BUD13: variants seen among roughly 807,000 people sequenced by gnomAD.
BUD13 encodes the protein BUD13 homolog.
BUD13 carries 47 observed loss-of-function variants against 62.5 expected under a neutral mutation model. That is an observed-to-expected ratio of 0.75 (90% CI 0.60 to 0.96). BUD13 has a LOEUF of 0.96. Among genes scored for constraint, BUD13 ranks in the 40% least tolerant of loss-of-function variants. The pLI is 0.00. For synonymous variants in BUD13, 293 were observed against 280.1 expected (o/e 1.05, Z -0.46); for missense variants, 821 against 790.9 (o/e 1.04, Z -0.46).
At chr11:116,751,910 C>A (rs1940241895) in intron 9 of BUD13, among the ~76,000 whole-genome samples, 1 of 152,148 alleles carries the variant, frequency 6.6e-6, no homozygotes, top group African/African-American at 2.4e-5. Flanking sequence ...AGGGAAATTG[C>A]ATGACTCTAG....
chr11:116,772,274 A>G (rs914433146), intron 1 of BUD13, among the ~76,000 whole-genome samples: 9 of 152,218 alleles, frequency 5.9e-5, no homozygotes, highest in Non-Finnish European at 1.2e-4. Flanking sequence ...TACCCACTTC[A>G]TGGTAGTGTG....
rs1054580991 is a variant in BUD13 at position 116,760,889 on chromosome 11, T to C, written c.1100A>G (p.His367Arg). 6.2e-7 allele frequency: 1 copy of C among 1,614,006 alleles called. No individual in the cohort carries two copies. The highest frequency in any genetic ancestry group is 1.3e-5 in the African/African-American group (1 of 74,904). ...SSPRHKQSPG[H>R]QDSDSDLSPP... is the part of the protein sequence containing the mutation. ...TGACAGATCTGAATCAGAATCCTGGTGCCCTGGACTTTGTTTATGCCGTGG... is the reference window on the plus strand; with the variant it reads ...TGACAGATCTGAATCAGAATCCTGGCGCCCTGGACTTTGTTTATGCCGTGG... Residue 367 changes from histidine (H) to arginine (R), a missense_variant, in exon 5 of 10, where the codon CAC becomes CGC. Around this residue, in one of 2 missense-constraint regions of BUD13, gnomAD observed 800 missense variants for 739.2 expected, o/e 1.08. Transcript: ENST00000260210.
chr11:116,757,526 G>A (rs917503451), intron 8 of BUD13, among the ~76,000 whole-genome samples: 19 of 150,506 alleles, frequency 1.3e-4, no homozygotes, highest in South Asian at 4.2e-4. Flanking sequence ...GGCTGGTCTC[G>A]AACTCTAAGG....
chr11:116,764,878 G>C (rs913343120), intron 3 of BUD13, among the ~76,000 whole-genome samples: 1 of 152,068 alleles, frequency 6.6e-6, no homozygotes, highest in Admixed American at 6.5e-5. Context: ...GCAAGTGGAG[G>C]GTAATGCACT....
chr11:116,749,919 C>T (rs1347381984), intron 9 of BUD13, among the ~76,000 whole-genome samples: 1 of 152,086 alleles, frequency 6.6e-6, no homozygotes, highest in Non-Finnish European at 1.5e-5. Context: ...TACACAAGGA[C>T]AAAGAAGGAG....
At chr11:116,752,241 C>T (rs1432466460) in intron 9 of BUD13, among the ~76,000 whole-genome samples, 5 of 152,156 alleles carry the variant, frequency 3.3e-5, no homozygotes, top group African/African-American at 4.8e-5. Context: ...CCACCGCACC[C>T]GGCCCCGTTT....
intron 2 of BUD13, among the ~76,000 whole-genome samples, chr11:116,766,660 C>T (rs1162267542): frequency 6.6e-6 from 1 of 152,220 alleles, no homozygotes; most frequent in Non-Finnish European, 1.5e-5. Flanking sequence ...TAAGCTTAGC[C>T]ATGCTTGGTA....
chr11:116,771,252 A>G lies in BUD13; in HGVS notation c.144-1030T>C, dbSNP rs140510629. 2.7e-4 allele frequency among the ~76,000 whole-genome samples: 41 copies of G among 152,382 alleles called. No homozygotes were observed. In the East Asian group the frequency reaches 7.5e-3, roughly 28 times the overall value. On this transcript the variant is annotated intron_variant, in intron 1 of 9. Transcript: ENST00000260210. Reference sequence around the variant, plus strand: ...ATTGCATTTATCATAAAGAAAATATATCGATTAGTTGTGTAATTAGTTGCT... The same window carrying G: ...ATTGCATTTATCATAAAGAAAATATGTCGATTAGTTGTGTAATTAGTTGCT...
chr11:116,748,474 C>T lies in BUD13; in HGVS notation c.*8G>A. On this transcript the variant is annotated 3_prime_UTR_variant, in exon 10 of 10. Coordinates refer to ENST00000260210, the MANE Select transcript of BUD13 (RefSeq NM_032725.4). Reference sequence around the variant, plus strand: ...CACAGCCCAGCCACCCCCACAGCCTCAGGAAAGTTACATATCCTCAACACT... The same window carrying T: ...CACAGCCCAGCCACCCCCACAGCCTTAGGAAAGTTACATATCCTCAACACT... 6.2e-7 allele frequency: 1 copy of T among 1,613,992 alleles called. No homozygotes were observed. The highest frequency in any genetic ancestry group is 8.5e-7 in the Non-Finnish European group (1 of 1,179,814).
At position 116,770,705 on chromosome 11, in the gene BUD13, A is replaced by G. The variant is rs868027939; in HGVS notation, c.144-483T>C. Among the ~76,000 whole-genome samples, 123 of 152,126 alleles carry G rather than the reference A, an allele frequency of 8.1e-4. 2 individuals carry two copies. In the Middle Eastern group the frequency reaches 0.031, roughly 38 times the overall value. On this transcript the variant is annotated intron_variant, in intron 1 of 9. Transcript: ENST00000260210. ...GAGACGGGGTTTCACCGTGTTAGTCAGGATGGTCTCGATCTCCTGACCTCG... is the reference window on the plus strand; with the variant it reads ...GAGACGGGGTTTCACCGTGTTAGTCGGGATGGTCTCGATCTCCTGACCTCG...
At chr11:116,767,187 CAA>C (rs11341725) in intron 2 of BUD13, among the ~76,000 whole-genome samples, 11 of 130,822 alleles carry the variant, frequency 8.4e-5, no homozygotes, top group African/African-American at 2.5e-4. Context: ...GAATATGTCT[CAA>C]AAAAAAAAAA....
intron 4 of BUD13, among the ~76,000 whole-genome samples, chr11:116,761,938 T>TA (rs1469912635): frequency 1.3e-5 from 2 of 152,200 alleles, no homozygotes; most frequent in African/African-American, 4.8e-5. Context: ...GAAATCTATC[T>TA]AGAAGTAGAT....
chr11:116,772,869 G>A lies in BUD13; in HGVS notation c.96C>T (p.Arg32=), dbSNP rs1940657082. 1 of 1,591,566 alleles carries A rather than the reference G, an allele frequency of 6.3e-7. No homozygotes were observed. The highest frequency in any genetic ancestry group is 1.1e-5 in the South Asian group (1 of 88,696). Residue 32 remains arginine, a synonymous_variant, in exon 1 of 10, where the codon CGC becomes CGT. Transcript: ENST00000260210. ...AGVDRGSESG[R]KRRKKRPKPG... is the part of the protein sequence containing the mutation. ...GCTTCGGCCGCTTTTTGCGACGCTT[G>A]CGACCGGACTCAGATCCCCGGTCGA...
In BUD13 at chr11:116,762,834, G is replaced by A; in HGVS notation, c.755C>T (p.Ser252Phe). The A allele has an allele frequency of 6.2e-7, 1 of 1,613,934 alleles. No homozygotes were observed. Among genetic ancestry groups the A allele is most frequent in the Non-Finnish European group, 8.5e-7 (1 of 1,179,966 alleles). ...GTCTGAAGAGCCAAGAGTCCTCCTA[G>A]ATGTGTCAGGGGAGTTGTTATGGAC... ...RRVHNNSPDT[S>F]RRTLGSSDTQ... The change falls in exon 4 of 10, where the codon TCT becomes TTT. Residue 252 changes from serine (S) to phenylalanine (F), a missense_variant. Transcript: ENST00000260210.
At chr11:116,756,108 T>C (rs995826556) in intron 9 of BUD13, among the ~76,000 whole-genome samples, 1 of 152,066 alleles carries the variant, frequency 6.6e-6, no homozygotes, top group Non-Finnish European at 1.5e-5. Context: ...CTCAGGCCAC[T>C]GAAGCATGAG....
intron 2 of BUD13, among the ~76,000 whole-genome samples, chr11:116,767,946 C>T (rs1940560716): frequency 6.7e-6 from 1 of 150,336 alleles, no homozygotes; most frequent in Admixed American, 6.7e-5. Flanking sequence ...GTATTTCAGC[C>T]TGGGCAACAG....
intron 9 of BUD13, 42 bp downstream of exon 9, chr11:116,757,104 G>C (rs1180571562): frequency 1.3e-6 from 2 of 1,578,476 alleles, no homozygotes; most frequent in Non-Finnish European, 8.7e-7. Flanking sequence ...GGTTAGGGAA[G>C]GTTACAGTCA....
intron 9 of BUD13, among the ~76,000 whole-genome samples, chr11:116,752,691 C>G (rs749808101): frequency 2.0e-5 from 3 of 152,168 alleles, no homozygotes; most frequent in African/African-American, 4.8e-5. Context: ...GAACTGCAAA[C>G]GGAACTAGTA....
intron 9 of BUD13, among the ~76,000 whole-genome samples, chr11:116,751,462 C>T (rs1377531403): frequency 1.3e-5 from 2 of 151,976 alleles, no homozygotes; most frequent in East Asian, 3.9e-4. Context: ...AACCCTGTCT[C>T]TACTAAAAAT....
Sources: gnomAD v4.1 joint callset for allele counts (sites outside exome capture counted in the v4.1 genomes callset) on GRCh38, gnomAD v4.1.1 for gene constraint, gnomAD v4.1.1 regional missense constraint, MANE v1.5 for transcripts, NCBI Gene and HGNC (gene_info 2026-07-23, HGNC 2026-07-21) for gene names.